Variants in IL1RAPL2 observed in about 807,000 individuals in gnomAD.
IL1RAPL2 encodes the protein interleukin 1 receptor accessory protein like 2, also known as X-linked interleukin-1 receptor accessory protein-like 2.
In IL1RAPL2, 3 loss-of-function variants were observed where a neutral mutation model predicts 44.1. The observed-to-expected ratio is 0.07, with a 90% CI of 0.03 to 0.18. IL1RAPL2 has a LOEUF of 0.18. Among genes scored for constraint, IL1RAPL2 ranks in the 10% least tolerant of loss-of-function variants. The pLI, the probability that IL1RAPL2 is intolerant of heterozygous loss-of-function variation, is 1.00. For synonymous variants in IL1RAPL2, 181 were observed against 178.8 expected (o/e 1.01, Z -0.10); for missense variants, 391 against 496.4 (o/e 0.79, Z 2.02).
chrX:105,351,182 A>G (rs2035151163), intron 5 of IL1RAPL2, among the ~76,000 whole-genome samples: 1 of 111,840 alleles, frequency 8.9e-6, no homozygotes, highest in Non-Finnish European at 1.9e-5. Flanking sequence ...GTGGGAGTGT[A>G]AATTACTTCG....
chrX:104,754,842 T>C (rs1337112051), intron 2 of IL1RAPL2, among the ~76,000 whole-genome samples: 3 of 111,610 alleles, frequency 2.7e-5, no homozygotes, highest in African/African-American at 9.7e-5. Flanking sequence ...TACTTTCAAA[T>C]AAAAAGGGGT....
chrX:105,094,008 G>A (rs1289251395), intron 2 of IL1RAPL2, among the ~76,000 whole-genome samples: 5 of 111,703 alleles, frequency 4.5e-5, no homozygotes, highest in African/African-American at 1.6e-4. Context: ...ACTTGGCAAT[G>A]GGTAGAGGTG....
At chrX:105,043,199 G>A (rs370153898) in intron 2 of IL1RAPL2, among the ~76,000 whole-genome samples, 2 of 109,308 alleles carry the variant, frequency 1.8e-5, no homozygotes, top group Non-Finnish European at 3.8e-5. Context: ...TGCACATTGT[G>A]CACATGTACC....
chrX:105,767,089 C>T lies in IL1RAPL2; in HGVS notation c.1489C>T (p.Leu497=), dbSNP rs1439570514. Residue 497 remains leucine (L), a synonymous_variant, in exon 11 of 11, where the codon CTA becomes TTA. Transcript: ENST00000372582. ...ACTGGAAAGCAGACTCCATAACATG[C>T]TAGTCAGTGGAGAAATCAAAGTGAT... is the stretch of plus-strand genomic sequence containing the variant. ...FELESRLHNM[L]VSGEIKVILI... The T allele has an allele frequency of 2.5e-6, 3 of 1,207,353 alleles. No individual in the cohort carries two copies. The highest frequency in any genetic ancestry group is 3.4e-6 in the Non-Finnish European group (3 of 891,747).
intron 2 of IL1RAPL2, among the ~76,000 whole-genome samples, chrX:104,715,356 T>G (rs1192570814): frequency 1.8e-5 from 2 of 108,175 alleles, no homozygotes; most frequent in African/African-American, 6.7e-5. Flanking sequence ...TTGTGTTTTT[T>G]TGAATCTTCT....
intron 2 of IL1RAPL2, among the ~76,000 whole-genome samples, chrX:104,886,852 T>C (rs190488297): frequency 8.9e-6 from 1 of 112,110 alleles, no homozygotes; most frequent in East Asian, 2.8e-4. Context: ...CTAGGCCACT[T>C]CTCAAGTCCA....
chrX:105,514,623 G>C (rs925230826), intron 6 of IL1RAPL2, among the ~76,000 whole-genome samples: 3 of 112,167 alleles, frequency 2.7e-5, no homozygotes, highest in Non-Finnish European at 3.8e-5. Flanking sequence ...TAAGATATAT[G>C]AGCAGAAATT....
chrX:104,943,613 T>A (rs1200130712), intron 2 of IL1RAPL2, among the ~76,000 whole-genome samples: 1 of 111,441 alleles, frequency 9.0e-6, no homozygotes, highest in Non-Finnish European at 1.9e-5. Flanking sequence ...TGCATATGAT[T>A]GCCCCCACCT....
intron 2 of IL1RAPL2, among the ~76,000 whole-genome samples, chrX:104,970,123 A>G (rs749447828): frequency 2.7e-5 from 3 of 111,635 alleles, no homozygotes; most frequent in South Asian, 7.5e-4. Context: ...TGTAAGATAT[A>G]TAGAACTATA....
At chrX:104,606,312 A>G (rs1929009685) in intron 1 of IL1RAPL2, among the ~76,000 whole-genome samples, 1 of 111,984 alleles carries the variant, frequency 8.9e-6, no homozygotes, top group East Asian at 2.8e-4. Context: ...TATCAGTGGA[A>G]CATATCACAA....
intron 6 of IL1RAPL2, among the ~76,000 whole-genome samples, chrX:105,524,711 A>C (rs1461371105): frequency 4.5e-5 from 5 of 110,876 alleles, no homozygotes; most frequent in Non-Finnish European, 9.5e-5. Flanking sequence ...TGCACTTACC[A>C]GGAAAAGAGA....
At chrX:105,442,015 C>T (rs2035923598) in intron 5 of IL1RAPL2, among the ~76,000 whole-genome samples, 1 of 110,396 alleles carries the variant, frequency 9.1e-6, no homozygotes, top group Admixed American at 9.7e-5. Flanking sequence ...TACAAAAAGG[C>T]TCATTATTAT....
intron 6 of IL1RAPL2, among the ~76,000 whole-genome samples, chrX:105,654,969 G>A (rs1472430295): frequency 8.9e-6 from 1 of 111,814 alleles, no homozygotes; most frequent in Non-Finnish European, 1.9e-5. Flanking sequence ...CTGGAGCAAG[G>A]GTAGGCAGAA....
intron 2 of IL1RAPL2, among the ~76,000 whole-genome samples, chrX:105,119,156 T>G (rs1307258877): frequency 3.6e-5 from 4 of 111,518 alleles, no homozygotes; most frequent in African/African-American, 1.3e-4. Context: ...AACAGATACA[T>G]CTCTTGTTGG....
At chrX:104,889,796 CA>C (rs1477549248) in intron 2 of IL1RAPL2, among the ~76,000 whole-genome samples, 1 of 88,546 alleles carries the variant, frequency 1.1e-5, no homozygotes, top group African/African-American at 3.6e-5. Context: ...TTTACAATCC[CA>C]AATAGACTTT....
chrX:105,126,546 T>C (rs893887664), intron 2 of IL1RAPL2, among the ~76,000 whole-genome samples: 3 of 111,479 alleles, frequency 2.7e-5, no homozygotes, highest in Non-Finnish European at 5.7e-5. Context: ...AAGCAAACTT[T>C]AACAAGGTTC....
intron 6 of IL1RAPL2, among the ~76,000 whole-genome samples, chrX:105,715,683 T>C (rs1405821547): frequency 9.0e-6 from 1 of 111,362 alleles, no homozygotes; most frequent in East Asian, 2.8e-4. Flanking sequence ...TTAGGATCTA[T>C]GTGAAGTATG....
intron 5 of IL1RAPL2, among the ~76,000 whole-genome samples, chrX:105,349,186 A>C (rs1487720674): frequency 1.3e-4 from 14 of 111,931 alleles, no homozygotes; most frequent in African/African-American, 4.5e-4. Flanking sequence ...TGTGTAACTG[A>C]CTTGTGACAT....
chrX:105,215,489 G>A (rs1364081836), intron 3 of IL1RAPL2, among the ~76,000 whole-genome samples: 6 of 111,541 alleles, frequency 5.4e-5, no homozygotes, highest in African/African-American at 2.0e-4. Context: ...ACCAAAAAAA[G>A]CCCAGGACCA....
Sources: allele counts gnomAD v4.1 joint callset (sites outside exome capture counted in the v4.1 genomes callset), GRCh38; gene constraint gnomAD v4.1.1; transcripts MANE v1.5; gene names NCBI Gene and HGNC (gene_info 2026-07-23, HGNC 2026-07-21).